RUNX2: variants seen among roughly 807,000 people sequenced by gnomAD.
The protein encoded by RUNX2 is RUNX family transcription factor 2, also known as runt-related transcription factor 2.
In RUNX2, 10 loss-of-function variants were observed where a neutral mutation model predicts 51.7. That is an observed-to-expected ratio of 0.19 (90% confidence interval 0.12 to 0.33). The LOEUF (loss-of-function observed/expected upper bound fraction) is 0.33, where lower values mean the gene tolerates loss of function less well. Among genes scored for constraint, RUNX2 ranks in the 10% least tolerant of loss-of-function variants. RUNX2 has a pLI of 1.00. For synonymous variants in RUNX2, 276 were observed against 273.6 expected, an observed-to-expected ratio of 1.01 and a Z score of -0.09; for missense variants, 562 against 691.3, an observed-to-expected ratio of 0.81 and a Z score of 2.10.
At chr6:45,385,536 G>A (rs1299007906) in intron 2 of RUNX2, among the ~76,000 whole-genome samples, 1 of 152,172 alleles carries the variant, frequency 6.6e-6, no homozygotes, top group Non-Finnish European at 1.5e-5. Context: ...TACTAAGGTT[G>A]TGAAATGATG....
intron 2 of RUNX2, among the ~76,000 whole-genome samples, chr6:45,341,495 T>C (rs566067444): frequency 2.0e-5 from 3 of 152,316 alleles, no homozygotes; most frequent in African/African-American, 7.2e-5. Flanking sequence ...TAAATACATA[T>C]GCAAGTATAA....
At chr6:45,538,624 A>T (rs1802112457) in intron 7 of RUNX2, among the ~76,000 whole-genome samples, 1 of 151,660 alleles carries the variant, frequency 6.6e-6, no homozygotes, top group African/African-American at 2.4e-5. Context: ...AAACTGAAAT[A>T]AGGTCTGAAA....
intron 5 of RUNX2, among the ~76,000 whole-genome samples, chr6:45,482,298 T>G (rs1800141104): frequency 6.6e-6 from 1 of 152,240 alleles, no homozygotes; most frequent in Admixed American, 6.5e-5. Context: ...GAAAAGGGAT[T>G]ATACTGTAAG....
In RUNX2 at chr6:45,382,872, A is replaced by C. The variant is rs189186116; in HGVS notation, c.59-39721A>C. Among the ~76,000 whole-genome samples the C allele has an allele frequency of 3.2e-4, 49 of 152,326 alleles. No homozygotes were observed. The East Asian group carries it at 6.9e-3, about 22-fold the overall frequency. On this transcript the variant is annotated intron_variant, in intron 2 of 8. Transcript: ENST00000647337. The stretch of plus-strand genomic sequence containing the variant: ...CTAGGGTTGTTACAGTAGAGGGCTT[A>C]AGACATGGTTGGGTTCTGGGTATAT...
At chr6:45,422,330 G>A in intron 2 of RUNX2, 1 of 450,684 alleles carries the variant, frequency 2.2e-6, no homozygotes, top group Non-Finnish European at 3.9e-6. Flanking sequence ...AAAGACTCCG[G>A]CAAAGATCTG....
chr6:45,466,306 T>C (rs1263481181), intron 5 of RUNX2, among the ~76,000 whole-genome samples: 2 of 151,064 alleles, frequency 1.3e-5, no homozygotes, highest in African/African-American at 4.9e-5. Flanking sequence ...AGAGTGAAAC[T>C]CCGTCTTAAA....
chr6:45,543,645 G>T (rs1392823718), intron 7 of RUNX2, among the ~76,000 whole-genome samples: 1 of 152,056 alleles, frequency 6.6e-6, no homozygotes, highest in African/African-American at 2.4e-5. Flanking sequence ...TACTTTAGTT[G>T]ATGTAACATC....
In RUNX2 at chr6:45,328,693, G is replaced by T; in HGVS notation, c.-34G>T. On this transcript the variant is annotated 5_prime_UTR_variant, in exon 2 of 9. Transcript: ENST00000647337. ...CTGCAAGCAGTATTTACAACAGAGG[G>T]TACAAGTTCTATCTGAAAAAAAAAG... 1.2e-6 allele frequency: 2 copies of T among 1,611,660 alleles called. No individual in the cohort carries two copies. Among genetic ancestry groups the T allele is most frequent in the Non-Finnish European group, 1.7e-6 (2 of 1,178,430 alleles).
chr6:45,365,244 T>C, intron 2 of RUNX2: 1 of 1,612,740 alleles, frequency 6.2e-7, no homozygotes, highest in Non-Finnish European at 8.5e-7. Context: ...GACTTCCCTG[T>C]ACTCCTTCCA....
intron 3 of RUNX2, among the ~76,000 whole-genome samples, chr6:45,429,888 G>T (rs1278489289): frequency 6.6e-6 from 1 of 152,124 alleles, no homozygotes; most frequent in Non-Finnish European, 1.5e-5. Context: ...GAGGTCAGGG[G>T]TTCAAGACCA....
In RUNX2 at chr6:45,550,895, A is replaced by G. The variant is rs1247877609; in HGVS notation, c.*3590A>G. 1 of 152,608 alleles carries G rather than the reference A, an allele frequency of 6.6e-6. No homozygotes were observed. Among genetic ancestry groups the G allele is most frequent in the Non-Finnish European group, 1.5e-5 (1 of 68,036 alleles). The allele number at this position is 152,608 out of a possible 1,614,324, so 9.5% of individuals were successfully genotyped here. A position where few individuals can be genotyped will look rare whatever the true frequency, so the allele number is the denominator to read the frequency against. Reference sequence around the variant, plus strand: ...TGCCCAAGAATTGCTTTCCATGCACATATTGTAAAAATTCCGCTTTGTGCC... The same window carrying G: ...TGCCCAAGAATTGCTTTCCATGCACGTATTGTAAAAATTCCGCTTTGTGCC... On this transcript the variant is annotated 3_prime_UTR_variant, in exon 9 of 9. Transcript: ENST00000647337.
intron 2 of RUNX2, among the ~76,000 whole-genome samples, chr6:45,400,933 G>A (rs547056465): frequency 2.0e-5 from 3 of 152,092 alleles, no homozygotes; most frequent in Admixed American, 6.5e-5. Flanking sequence ...AGATAGAGGT[G>A]GATAGATGTA....
chr6:45,531,597 A>G (rs575931425), intron 7 of RUNX2, among the ~76,000 whole-genome samples: 4 of 152,124 alleles, frequency 2.6e-5, no homozygotes, highest in Non-Finnish European at 5.9e-5. Context: ...TACTAAAAAT[A>G]CAAAAATTAG....
At chr6:45,487,008 A>G (rs575185842) in intron 5 of RUNX2, among the ~76,000 whole-genome samples, 14 of 152,208 alleles carry the variant, frequency 9.2e-5, no homozygotes, top group Admixed American at 9.2e-4. Context: ...TTAGGGACTT[A>G]ACTGTTTCTC....
At chr6:45,488,675 A>T (rs1378629580) in intron 5 of RUNX2, among the ~76,000 whole-genome samples, 2 of 151,572 alleles carry the variant, frequency 1.3e-5, no homozygotes, top group African/African-American at 4.9e-5. Context: ...AAAGCTCCCT[A>T]GGGAATTTTC....
chr6:45,547,155 A>G lies in RUNX2; in HGVS notation c.1416A>G (p.Pro472=), dbSNP rs371147260. Residue 472 remains proline, a synonymous_variant, in exon 9 of 9, where the codon CCA becomes CCG. Coordinates refer to ENST00000647337, the MANE Select transcript of RUNX2 (RefSeq NM_001024630.4). ...GDRSPSRMLP[P]CTTTSNGSTL... ...GGTCTCCTTCCAGAATGCTTCCGCC[A>G]TGCACCACCACCTCGAATGGCAGCA... 9.3e-6 allele frequency: 15 copies of G among 1,614,008 alleles called. No individual in the cohort carries two copies. The South Asian group carries it at 1.5e-4, about 17-fold the overall frequency.
intron 2 of RUNX2, among the ~76,000 whole-genome samples, chr6:45,346,046 T>C (rs1176265388): frequency 1.3e-5 from 2 of 152,004 alleles, no homozygotes; most frequent in African/African-American, 4.8e-5. Flanking sequence ...TGAAGAAAAA[T>C]CTCAAACGAC....
intron 5 of RUNX2, among the ~76,000 whole-genome samples, chr6:45,443,005 A>G (rs559710805): frequency 4.1e-5 from 6 of 145,410 alleles, no homozygotes; most frequent in African/African-American, 1.5e-4. Context: ...AGGGCTCCCT[A>G]AGGTACAAAA....
intron 5 of RUNX2, among the ~76,000 whole-genome samples, chr6:45,458,847 C>T (rs1193275256): frequency 6.6e-6 from 1 of 152,164 alleles, no homozygotes; most frequent in African/African-American, 2.4e-5. Context: ...TTGTTAATGT[C>T]TCTGGTTTCA....
Sources: gnomAD v4.1 joint callset for allele counts (sites outside exome capture counted in the v4.1 genomes callset) on GRCh38, gnomAD v4.1.1 for gene constraint, MANE v1.5 for transcripts, NCBI Gene and HGNC (gene_info 2026-07-23, HGNC 2026-07-21) for gene names.